The following FGD6 variants were observed in gnomAD, a reference collection of about 807,000 sequenced individuals.
FGD6 encodes FYVE, RhoGEF and PH domain-containing protein 6.
In FGD6, 90 loss-of-function variants were observed where a neutral mutation model predicts 149.4. The ratio of observed to expected loss-of-function variants is 0.60; its 90% confidence interval spans 0.51 to 0.72. FGD6 has a LOEUF of 0.72. FGD6 is among the 30% of genes least tolerant of loss of function. The pLI, the probability that FGD6 is intolerant of heterozygous loss-of-function variation, is 0.00. For synonymous variants in FGD6, 527 were observed against 584.0 expected (o/e 0.90, Z 1.41); for missense variants, 1,437 against 1,684.8 (o/e 0.85, Z 2.57).
At position 95,093,451 on chromosome 12, in the gene FGD6, G is replaced by A. The variant is rs539706593; in HGVS notation, c.3601-606C>T. On this transcript the variant is annotated intron_variant, in intron 15 of 20. Coordinates refer to ENST00000343958, the MANE Select transcript of FGD6 (RefSeq NM_018351.4). Reference sequence around the variant, plus strand: ...TACCAGCACTTTGGGAGGCCGAGGCGGGTGGATCACCTAAGATTGGGAGTT... The same window carrying A: ...TACCAGCACTTTGGGAGGCCGAGGCAGGTGGATCACCTAAGATTGGGAGTT... Among the ~76,000 whole-genome samples the A allele has an allele frequency of 7.9e-5, 12 of 151,562 alleles. No individual in the cohort carries two copies. In the South Asian group the frequency reaches 2.1e-3, roughly 26 times the overall value.
intron 7 of FGD6, among the ~76,000 whole-genome samples, chr12:95,137,195 C>T (rs914602647): frequency 2.0e-5 from 3 of 152,126 alleles, no homozygotes; most frequent in Admixed American, 6.6e-5. Flanking sequence ...AGGAGAATCA[C>T]TTGAACCTGG....
rs1159108734 is a variant in FGD6 at position 95,209,119 on chromosome 12, A to C, written c.2165T>G (p.Leu722Trp). The C allele has an allele frequency of 2.5e-6, 4 of 1,614,176 alleles. No individual in the cohort carries two copies. The Admixed American group carries it at 6.7e-5, about 27-fold the overall frequency. ...SAANGLRAES[L>W]DDQMLSRESS... ...CTCCCGGGAGAGCATTTGGTCATCC[A>C]AAGACTCAGCTCTCAGACCATTAGC... The change falls in exon 2 of 21, where the codon TTG (leucine) becomes TGG (tryptophan). Residue 722 changes from leucine (L) to tryptophan (W), a missense_variant. Coordinates refer to ENST00000343958, the MANE Select transcript of FGD6 (RefSeq NM_018351.4).
rs1298493290 is a variant in FGD6, at chr12:95,077,284, G to C, written c.*4236C>G. 1 of 152,192 alleles carries C rather than the reference G, an allele frequency of 6.6e-6. No individual in the cohort carries two copies. Among genetic ancestry groups the C allele is most frequent in the Non-Finnish European group, 1.5e-5 (1 of 68,048 alleles). 9.4% of individuals were successfully genotyped at this position (152,192 alleles called of 1,614,324 possible). A position where few individuals can be genotyped will look rare whatever the true frequency, so the allele number is the denominator to read the frequency against. On this transcript the variant is annotated 3_prime_UTR_variant, in exon 21 of 21. Transcript: ENST00000343958. The stretch of plus-strand genomic sequence containing the variant: ...TCTCAAATGAGTAAGTTGTCCTTAG[G>C]GATAGAAGGTGCTAAGCATCATGCA...
chr12:95,152,693 A>G lies in FGD6; in HGVS notation c.2685+118T>C. The G allele has an allele frequency of 3.4e-6, 3 of 880,878 alleles. No homozygotes were observed. In the South Asian group the frequency reaches 5.0e-5, roughly 15 times the overall value. 54.6% of individuals were successfully genotyped at this position (880,878 alleles called of 1,614,324 possible). A position where few individuals can be genotyped will look rare whatever the true frequency, so the allele number is the denominator to read the frequency against. ...AAATCATGTTATCTACATATATGAA[A>G]TACATACATTTTAGAAAATGTCTAT... On this transcript the variant is annotated intron_variant, in intron 5 of 20. Transcript: ENST00000343958.
intron 8 of FGD6, among the ~76,000 whole-genome samples, chr12:95,129,295 C>CCATG (rs1256539353): frequency 5.0e-5 from 3 of 59,752 alleles, no homozygotes; most frequent in Non-Finnish European, 9.4e-5. Context: ...ATCCATGCAT[C>CCATG]CATGCATGCA....
rs533664922 is a variant in FGD6 at position 95,107,452 on chromosome 12, G to A, written c.3333+111C>T. 65 of 963,876 alleles carry A rather than the reference G, an allele frequency of 6.7e-5. No individual in the cohort carries two copies. In the African/African-American group the frequency reaches 1.0e-3, roughly 15 times the overall value. The allele number at this position is 963,876 out of a possible 1,614,324, so 59.7% of individuals were successfully genotyped here. ...AGTGGTACGGCCAGTTCAAGAAGCT[G>A]GTGAGGCTGATATTTGAAGGTGCTA... On this transcript the variant is annotated intron_variant, in intron 12 of 20. Transcript: ENST00000343958.
chr12:95,126,865 T>C (rs921409653), intron 8 of FGD6, among the ~76,000 whole-genome samples: 2 of 152,098 alleles, frequency 1.3e-5, no homozygotes, highest in South Asian at 4.1e-4. Context: ...GAGTCGGAAG[T>C]TGCAGTGAGC....
chr12:95,093,676 CAA>C (rs35498911), intron 15 of FGD6, among the ~76,000 whole-genome samples: 16 of 137,282 alleles, frequency 1.2e-4, no homozygotes, highest in Non-Finnish European at 1.9e-4. Context: ...AACTCTGTCT[CAA>C]AAAAAAAAAA....
At chr12:95,170,245 G>T (rs1438240126) in intron 3 of FGD6, among the ~76,000 whole-genome samples, 1 of 152,144 alleles carries the variant, frequency 6.6e-6, no homozygotes, top group African/African-American at 2.4e-5. Flanking sequence ...TACCTTCCTG[G>T]GTTTGTAGCA....
intron 9 of FGD6, among the ~76,000 whole-genome samples, chr12:95,112,869 C>G (rs1878878461): frequency 6.6e-6 from 1 of 152,104 alleles, no homozygotes. Flanking sequence ...TTAGACAGTG[C>G]CAGAATAATA....
intron 1 of FGD6, among the ~76,000 whole-genome samples, chr12:95,214,861 CTTTT>C (rs1171146305): frequency 2.3e-5 from 3 of 129,214 alleles, no homozygotes; most frequent in South Asian, 2.5e-4. Flanking sequence ...CTCCTTTTTT[CTTTT>C]TTTTTTTTTT....
At chr12:95,150,996 G>C (rs1017549291) in intron 5 of FGD6, among the ~76,000 whole-genome samples, 4 of 152,010 alleles carry the variant, frequency 2.6e-5, no homozygotes, top group Non-Finnish European at 5.9e-5. Flanking sequence ...AGGAGGCTGA[G>C]ATGGGAGGAT....
At chr12:95,141,724 AAAAT>A (rs1252992901) in intron 5 of FGD6, among the ~76,000 whole-genome samples, 185 bp from the exon 6 acceptor site, 5 of 152,190 alleles carry the variant, frequency 3.3e-5, no homozygotes, top group Non-Finnish European at 4.4e-5. Flanking sequence ...TTAAAAATAA[AAAAT>A]AGTGAGACGA....
intron 5 of FGD6, among the ~76,000 whole-genome samples, chr12:95,144,843 C>T (rs912063919): frequency 2.6e-5 from 4 of 151,894 alleles, no homozygotes; most frequent in African/African-American, 9.7e-5. Flanking sequence ...CGCTTGCCAC[C>T]ACGCCTGGCT....
In FGD6 at chr12:95,210,784, T is replaced by A; in HGVS notation, c.500A>T (p.Lys167Met). Residue 167 changes from lysine to methionine, a missense_variant, in exon 2 of 21, where the codon AAG becomes ATG. Lys to Met is a moderately conservative substitution (Grantham distance 95, BLOSUM62 -1). This residue lies in a region of FGD6 where 1,055 missense variants were observed against 1,146.0 expected (regional missense o/e 0.92). Coordinates refer to ENST00000343958, the MANE Select transcript of FGD6 (RefSeq NM_018351.4). Reference sequence around the variant, plus strand: ...CTTTAAAACAACCCCACCCTGGTTCTTGGCTTTTTCACCATACAAATCACA... The same window carrying A: ...CTTTAAAACAACCCCACCCTGGTTCATGGCTTTTTCACCATACAAATCACA... ...SKCDLYGEKA[K>M]NQGGVVLKAS... The A allele has an allele frequency of 6.2e-7, 1 of 1,614,152 alleles. No homozygotes were observed. Among genetic ancestry groups the A allele is most frequent in the Non-Finnish European group, 8.5e-7 (1 of 1,180,016 alleles).
chr12:95,153,962 GAGAC>G (rs1269058097), intron 3 of FGD6, among the ~76,000 whole-genome samples: 1 of 144,136 alleles, frequency 6.9e-6, no homozygotes, highest in African/African-American at 2.6e-5. Flanking sequence ...AGAGAGAGAA[GAGAC>G]AGAGAGAGAG....
chr12:95,117,140 T>C (rs1879041231), intron 8 of FGD6, among the ~76,000 whole-genome samples: 1 of 152,196 alleles, frequency 6.6e-6, no homozygotes, highest in Non-Finnish European at 1.5e-5. Context: ...ACTGGTAGTA[T>C]TCTATGACCT....
chr12:95,192,239 A>C (rs559762506), intron 2 of FGD6, among the ~76,000 whole-genome samples: 1 of 152,326 alleles, frequency 6.6e-6, no homozygotes, highest in South Asian at 2.1e-4. Context: ...TGATGAATAC[A>C]AAGAGCAGAA....
intron 8 of FGD6, among the ~76,000 whole-genome samples, chr12:95,133,403 TAA>T (rs1410067973): frequency 6.6e-6 from 1 of 152,142 alleles, no homozygotes; most frequent in Admixed American, 6.6e-5. Context: ...GTCCTGGGGC[TAA>T]AAGGTAGGTC....
Sources: allele counts gnomAD v4.1 joint callset (sites outside exome capture counted in the v4.1 genomes callset), GRCh38; gene constraint gnomAD v4.1.1; regional missense constraint gnomAD v4.1.1; transcripts MANE v1.5; gene names NCBI Gene and HGNC (gene_info 2026-07-23, HGNC 2026-07-21).